EPHA6: variants seen among roughly 807,000 people sequenced by gnomAD.
The protein encoded by EPHA6 is ephrin type-A receptor 6.
EPHA6 carries 50 observed loss-of-function variants against 112.0 expected under a neutral mutation model. The observed-to-expected ratio is 0.45, with a 90% CI of 0.36 to 0.56. The LOEUF is 0.56. Among genes scored for constraint, EPHA6 ranks in the 20% least tolerant of loss-of-function variants. The pLI, the probability that EPHA6 is intolerant of heterozygous loss-of-function variation, is 0.00. For missense variants in EPHA6, 1,280 were observed against 1,417.4 expected (o/e 0.90, Z 1.56); for synonymous variants, 529 against 490.7 (o/e 1.08, Z -1.03).
chr3:96,855,246 A>C (rs1301591090), intron 1 of EPHA6, among the ~76,000 whole-genome samples: 2 of 152,166 alleles, frequency 1.3e-5, no homozygotes, highest in Non-Finnish European at 2.9e-5. Flanking sequence ...GGGCGATTAG[A>C]AACCTTAGTG....
At chr3:97,271,108 A>C (rs1052249779) in intron 5 of EPHA6, among the ~76,000 whole-genome samples, 1 of 152,236 alleles carries the variant, frequency 6.6e-6, no homozygotes, top group East Asian at 1.9e-4. Flanking sequence ...TATAATTTAT[A>C]TCCAAACAGA....
At chr3:97,679,499 T>A (rs1045027186) in intron 14 of EPHA6, among the ~76,000 whole-genome samples, 5 of 152,198 alleles carry the variant, frequency 3.3e-5, no homozygotes. Context: ...AAAGCATCTT[T>A]AAATATCTCA....
chr3:97,678,998 C>A (rs1402932712), intron 14 of EPHA6, among the ~76,000 whole-genome samples: 1 of 152,032 alleles, frequency 6.6e-6, no homozygotes, highest in Non-Finnish European at 1.5e-5. Flanking sequence ...TAACTATATG[C>A]TTAGTGTTAT....
At chr3:97,384,723 A>G (rs1325917821) in intron 5 of EPHA6, among the ~76,000 whole-genome samples, 3 of 152,206 alleles carry the variant, frequency 2.0e-5, no homozygotes, top group Non-Finnish European at 4.4e-5. Flanking sequence ...TTTAGATAAC[A>G]TGAAATAATA....
intron 14 of EPHA6, among the ~76,000 whole-genome samples, chr3:97,651,829 C>T (rs1308461968): frequency 2.0e-5 from 3 of 151,988 alleles, no homozygotes; most frequent in African/African-American, 7.2e-5. Context: ...TATACACAAA[C>T]ATGCTGACTT....
intron 3 of EPHA6, among the ~76,000 whole-genome samples, chr3:96,990,129 A>T (rs1393995443): frequency 6.6e-6 from 1 of 152,206 alleles, no homozygotes; most frequent in African/African-American, 2.4e-5. Context: ...TATTTAATCT[A>T]AGAATTTATG....
At chr3:97,586,432 C>A (rs900637177) in intron 11 of EPHA6, among the ~76,000 whole-genome samples, 2 of 152,128 alleles carry the variant, frequency 1.3e-5, no homozygotes, top group African/African-American at 4.8e-5. Context: ...GAATCTCTAG[C>A]CTCATCCACC....
At chr3:97,725,849 C>T (rs1011494192) in intron 15 of EPHA6, among the ~76,000 whole-genome samples, 5 of 151,964 alleles carry the variant, frequency 3.3e-5, no homozygotes, top group African/African-American at 7.2e-5. Flanking sequence ...TAAGAGCCAC[C>T]GCTTTCTAGC....
chr3:96,985,285 G>A (rs760759817), intron 2 of EPHA6, among the ~76,000 whole-genome samples: 1 of 152,076 alleles, frequency 6.6e-6, no homozygotes, highest in Non-Finnish European at 1.5e-5. Flanking sequence ...CCTGAGAAGT[G>A]AAATCAATTG....
At chr3:96,925,421 T>G (rs535453106) in intron 2 of EPHA6, among the ~76,000 whole-genome samples, 2 of 152,178 alleles carry the variant, frequency 1.3e-5, no homozygotes, top group Non-Finnish European at 2.9e-5. Context: ...GATTTTCTAG[T>G]TTATTTGCAT....
At chr3:97,414,293 C>T (rs1456358488) in intron 6 of EPHA6, among the ~76,000 whole-genome samples, 1 of 151,876 alleles carries the variant, frequency 6.6e-6, no homozygotes, top group Non-Finnish European at 1.5e-5. Context: ...TGAGGCATTC[C>T]CCTGCTTCAA....
intron 14 of EPHA6, among the ~76,000 whole-genome samples, chr3:97,641,995 AC>A (rs1180917497): frequency 6.7e-6 from 1 of 148,852 alleles, no homozygotes; most frequent in Non-Finnish European, 1.5e-5. Context: ...CAGGGCACAG[AC>A]AAACAAAAAG....
At chr3:97,519,532 G>A (rs1173239757) in intron 10 of EPHA6, among the ~76,000 whole-genome samples, 2 of 152,126 alleles carry the variant, frequency 1.3e-5, no homozygotes, top group East Asian at 3.9e-4. Flanking sequence ...ATTACATTTT[G>A]ATAGTAATTG....
intron 5 of EPHA6, among the ~76,000 whole-genome samples, chr3:97,358,178 T>C (rs554343747): frequency 6.6e-6 from 1 of 152,150 alleles, no homozygotes; most frequent in Non-Finnish European, 1.5e-5. Flanking sequence ...TATTTTCTTA[T>C]TTGTGTTGTT....
chr3:96,925,574 T>G (rs1162250522), intron 2 of EPHA6, among the ~76,000 whole-genome samples: 1 of 151,608 alleles, frequency 6.6e-6, no homozygotes, highest in Non-Finnish European at 1.5e-5. Flanking sequence ...TTTTATCATT[T>G]TTTTTCAAAA....
intron 8 of EPHA6, among the ~76,000 whole-genome samples, chr3:97,476,947 C>T (rs80018484): frequency 0.023 from 3,476 of 151,910 alleles, 147 homozygotes; most frequent in African/African-American, 0.079. Context: ...AGAATAATGC[C>T]AGCTACAGTA....
intron 4 of EPHA6, among the ~76,000 whole-genome samples, chr3:97,227,646 G>A (rs2078399960): frequency 6.6e-6 from 1 of 152,206 alleles, no homozygotes. Flanking sequence ...GCTGAGTGAG[G>A]TGGTCAAAGA....
At chr3:97,643,592 GGAA>G (rs2107583258) in intron 14 of EPHA6, among the ~76,000 whole-genome samples, 1 of 149,610 alleles carries the variant, frequency 6.7e-6, no homozygotes, top group East Asian at 2.0e-4. Context: ...AAAGGATGGA[GGAA>G]GATCTACCAA....
intron 12 of EPHA6, among the ~76,000 whole-genome samples, chr3:97,607,358 G>T (rs751423535): frequency 9.9e-5 from 15 of 150,846 alleles, no homozygotes; most frequent in Non-Finnish European, 1.8e-4. Context: ...TAAGTATTAG[G>T]GAACATTTGA....
Sources: gnomAD v4.1 joint callset for allele counts (sites outside exome capture counted in the v4.1 genomes callset) on GRCh38, gnomAD v4.1.1 for gene constraint, MANE v1.5 for transcripts, NCBI Gene and HGNC (gene_info 2026-07-23, HGNC 2026-07-21) for gene names.